FABP6: variants seen among roughly 807,000 people sequenced by gnomAD.
FABP6 encodes gastrotropin.
A neutral mutation model predicts 14.9 loss-of-function variants in FABP6; 13 were observed. The ratio of observed to expected loss-of-function variants is 0.87; its 90% CI spans 0.57 to 1.39. The LOEUF is 1.39. Ranked by LOEUF, FABP6 falls within the 40% of genes most tolerant of loss-of-function variation. The pLI is 0.00. For synonymous variants in FABP6, 75 were observed against 63.6 expected (o/e 1.18, Z -0.85); for missense variants, 161 against 167.2 (o/e 0.96, Z 0.20).
chr5:160,232,389 A>C, intron 2 of FABP6, 116 bp downstream of exon 2: 9 of 1,090,532 alleles, frequency 8.3e-6, no homozygotes, highest in Non-Finnish European at 1.2e-5. Context: ...GGCCTCCAGC[A>C]TTAGGAGCTT....
At chr5:160,222,810 A>G (rs1209948735) in intron 3 of FABP6, among the ~76,000 whole-genome samples, 2 of 152,226 alleles carry the variant, frequency 1.3e-5, no homozygotes, top group African/African-American at 4.8e-5. Flanking sequence ...AGCTGGGTGT[A>G]AAGTAATTCA....
At chr5:160,231,905 G>A (rs572141195) in intron 1 of FABP6, 193 bp from the exon 2 acceptor site, 1 of 563,696 alleles carries the variant, frequency 1.8e-6, no homozygotes, top group Admixed American at 3.3e-5. Context: ...GAAGCTCAGA[G>A]AGATAGGGAC....
At chr5:160,218,205 G>A (rs978549123) in intron 3 of FABP6, among the ~76,000 whole-genome samples, 1 of 152,074 alleles carries the variant, frequency 6.6e-6, no homozygotes, top group Admixed American at 6.6e-5. Flanking sequence ...GAGACTACAG[G>A]TGGCAGCCAC....
upstream of FABP6, among the ~76,000 whole-genome samples, chr5:160,225,860 C>T (rs1021513764): frequency 1.3e-5 from 2 of 151,960 alleles, no homozygotes; most frequent in Non-Finnish European, 2.9e-5. Context: ...AGAGAAATAG[C>T]AAAAGAGGGA....
At chr5:160,208,030 A>G (rs538409179) in intron 2 of FABP6, among the ~76,000 whole-genome samples, 3 of 152,020 alleles carry the variant, frequency 2.0e-5, no homozygotes, top group Non-Finnish European at 4.4e-5. Flanking sequence ...GGCCATCTTT[A>G]TCTTCTTTAG....
chr5:160,200,703 C>T (rs1186341416), intron 2 of FABP6, among the ~76,000 whole-genome samples: 4 of 152,160 alleles, frequency 2.6e-5, no homozygotes, highest in South Asian at 2.1e-4. Flanking sequence ...CGTGAGCCAC[C>T]GCACCCGGCA....
chr5:160,235,399 C>T (rs994227553), intron 3 of FABP6, among the ~76,000 whole-genome samples: 4 of 152,132 alleles, frequency 2.6e-5, no homozygotes, highest in Admixed American at 6.5e-5. Context: ...GTGAAATCTC[C>T]ACACTATTAA....
At chr5:160,212,605 A>T (rs1031110406) in intron 2 of FABP6, among the ~76,000 whole-genome samples, 3 of 152,016 alleles carry the variant, frequency 2.0e-5, no homozygotes, top group Non-Finnish European at 4.4e-5. Flanking sequence ...AGTAGATGGG[A>T]CTACAGGCAC....
chr5:160,201,122 G>A (rs907273167), intron 2 of FABP6, among the ~76,000 whole-genome samples: 1 of 152,106 alleles, frequency 6.6e-6, no homozygotes, highest in Non-Finnish European at 1.5e-5. Context: ...TTGGTAAGCT[G>A]AGGCAGGAGG....
intron 1 of FABP6, chr5:160,195,595 C>G: frequency 6.6e-6 from 1 of 152,244 alleles, no homozygotes; most frequent in East Asian, 1.9e-4. Context: ...GCTGAGACTA[C>G]AGTCATGCAC....
rs922872415 is a variant in FABP6, at chr5:160,192,027, G to A, written c.-59+4573G>A. 8.1e-5 allele frequency among the ~76,000 whole-genome samples: 12 copies of A among 149,006 alleles called. No individual in the cohort carries two copies. The East Asian group carries it at 2.1e-3, about 27-fold the overall frequency. ...AATCCTGGGCTCAAGCAGTTCTCCC[G>A]CCTTGACCTCTTAAAGTGCTTTCTA... On this transcript the variant is annotated intron_variant, in intron 1 of 6. Transcript: ENST00000393980.
chr5:160,187,987 G>C (rs1042082925), intron 1 of FABP6, among the ~76,000 whole-genome samples: 2 of 152,108 alleles, frequency 1.3e-5, no homozygotes, highest in Non-Finnish European at 2.9e-5. Flanking sequence ...CCCGACTTCA[G>C]GTGATCCACC....
chr5:160,238,617 CG>C lies in FABP6; in HGVS notation c.347del (p.Gly116GlufsTer3). The C allele has an allele frequency of 6.2e-7, 1 of 1,613,980 alleles. No homozygotes were observed. On this transcript the variant is annotated frameshift_variant, in exon 4 of 4. Transcript: ENST00000402432. LOFTEE classifies it high-confidence loss of function. ...GCTGCTTCTTTCAGGTCTCCACCAT[CG>C]GAGGCGTGACCTATGAGCGCGTGAG... ...GDKLVEVSTI[G>X]GVTYERVSKR... is the part of the protein sequence containing the mutation.
chr5:160,228,695 G>T (rs1760304656), upstream of FABP6: 1 of 374,676 alleles, frequency 2.7e-6, no homozygotes, highest in Non-Finnish European at 5.3e-6. Context: ...TCCTCCAGGT[G>T]CGCTGCCTAG....
intron 3 of FABP6, among the ~76,000 whole-genome samples, chr5:160,216,387 C>T (rs1760014396): frequency 6.6e-6 from 1 of 152,002 alleles, no homozygotes; most frequent in African/African-American, 2.4e-5. Flanking sequence ...CCTGCCTCAG[C>T]CTCCTGAGTA....
intron 3 of FABP6, among the ~76,000 whole-genome samples, chr5:160,236,720 C>T (rs866808013): frequency 5.3e-5 from 8 of 151,920 alleles, no homozygotes; most frequent in Middle Eastern, 6.8e-3. Context: ...GCTTCTAATC[C>T]CAGCACTTTG....
intron 1 of FABP6, among the ~76,000 whole-genome samples, chr5:160,193,275 TC>T (rs1561738777): frequency 6.6e-6 from 1 of 152,158 alleles, no homozygotes; most frequent in Non-Finnish European, 1.5e-5. Context: ...TGTTCGTTCC[TC>T]CCGGTGGGCT....
At chr5:160,224,546 A>G (rs1456520878), upstream of FABP6, among the ~76,000 whole-genome samples, 1 of 152,136 alleles carries the variant, frequency 6.6e-6, no homozygotes, top group Non-Finnish European at 1.5e-5. Flanking sequence ...TTAATGGGGG[A>G]ATAATGAGAT....
chr5:160,234,538 C>G (rs1410061589), intron 2 of FABP6, among the ~76,000 whole-genome samples: 1 of 151,566 alleles, frequency 6.6e-6, no homozygotes, highest in African/African-American at 2.4e-5. Flanking sequence ...GTGATTCTCA[C>G]GCCTCAGCCT....
Sources: gnomAD v4.1 joint callset for allele counts (sites outside exome capture counted in the v4.1 genomes callset) on GRCh38, gnomAD v4.1.1 for gene constraint, MANE v1.5 for transcripts, NCBI Gene and HGNC (gene_info 2026-07-23, HGNC 2026-07-21) for gene names.